Variants in MTFR1L observed in about 807,000 individuals in gnomAD.
The protein encoded by MTFR1L is mitochondrial fission regulator 1-like.
In MTFR1L, 10 loss-of-function variants were observed where a neutral mutation model predicts 27.9. The observed-to-expected ratio is 0.36, with a 90% CI of 0.22 to 0.61. The LOEUF is 0.61. Ranked by LOEUF, MTFR1L falls within the 20% of genes least tolerant of loss-of-function variation. The probability of loss-of-function intolerance (pLI) is 0.73; values close to 1 mark genes in which losing one functional copy is unlikely to be tolerated. For synonymous variants in MTFR1L, 151 were observed against 139.4 expected, an observed-to-expected ratio of 1.08 and a Z score of -0.58; for missense variants, 315 against 363.7, an observed-to-expected ratio of 0.87 and a Z score of 1.09.
intron 3 of MTFR1L, chr1:25,825,833 A>G (rs903712468): frequency 6.2e-6 from 1 of 161,532 alleles, no homozygotes; most frequent in African/African-American, 2.4e-5. Flanking sequence ...ATAGACTCTC[A>G]TGTGTCTTGC....
At chr1:25,824,711 G>C (rs1441859765) in intron 3 of MTFR1L, among the ~76,000 whole-genome samples, 2 of 151,976 alleles carry the variant, frequency 1.3e-5, no homozygotes, top group Admixed American at 1.3e-4. Flanking sequence ...CAGATTGCCA[G>C]CTATCCAGAA....
chr1:25,823,825 C>G, intron 3 of MTFR1L, 77 bp downstream of exon 3: 1 of 1,515,888 alleles, frequency 6.6e-7, no homozygotes, highest in Non-Finnish European at 8.9e-7. Context: ...TGGTACTGCC[C>G]AAGTAGGTTG....
intron 2 of MTFR1L, 28 bp from the exon 3 acceptor site, chr1:25,823,616 T>G (rs1223749275): frequency 6.2e-7 from 1 of 1,610,616 alleles, no homozygotes; most frequent in South Asian, 1.1e-5. Flanking sequence ...TCTCTGGGGT[T>G]GTAGCTGTCT....
At chr1:25,820,187 G>T (rs748602342) in intron 1 of MTFR1L, 158 bp downstream of exon 1, 7 of 453,868 alleles carry the variant, frequency 1.5e-5, no homozygotes, top group African/African-American at 4.0e-5. Flanking sequence ...TGGCCCGGGG[G>T]AAACTGAGTC....
chr1:25,828,385 C>T (rs193020660), intron 5 of MTFR1L, among the ~76,000 whole-genome samples: 176 of 152,254 alleles, frequency 1.2e-3, no homozygotes, highest in Middle Eastern at 3.4e-3. Context: ...GAGTTCGAGA[C>T]CAGCCTGGCC....
At chr1:25,831,319 T>C (rs937215519) in intron 6 of MTFR1L, among the ~76,000 whole-genome samples, 1 of 152,188 alleles carries the variant, frequency 6.6e-6, no homozygotes, top group Non-Finnish European at 1.5e-5. Context: ...GACCCTCTTA[T>C]ATGATGTATC....
chr1:25,820,481 G>C, intron 1 of MTFR1L: 1 of 370,952 alleles, frequency 2.7e-6, no homozygotes, highest in South Asian at 2.0e-5. Context: ...GAGGGTCCGC[G>C]CGGGTCTCCG....
At chr1:25,823,873 T>C (rs2048133092) in intron 3 of MTFR1L, 125 bp downstream of exon 3, 1 of 1,219,450 alleles carries the variant, frequency 8.2e-7, no homozygotes, top group Non-Finnish European at 1.1e-6. Context: ...GAAATATTTG[T>C]TAAATGCTTA....
At chr1:25,822,472 AC>A (rs965546432) in intron 1 of MTFR1L, 1 of 141,594 alleles carries the variant, frequency 7.1e-6, no homozygotes, top group African/African-American at 3.2e-5. Flanking sequence ...GCCTCAAGAA[AC>A]CTGAGAGCCC....
chr1:25,831,895 T>TACTC, intron 6 of MTFR1L, 26 bp from the exon 7 acceptor site: 1 of 1,567,676 alleles, frequency 6.4e-7, no homozygotes, highest in Non-Finnish European at 8.8e-7. Context: ...AAAGAGTAAG[T>TACTC]ACTCAAGCTA....
chr1:25,829,372 A>T (rs1401241113), intron 5 of MTFR1L, 137 bp from the exon 6 acceptor site: 2 of 779,470 alleles, frequency 2.6e-6, no homozygotes, highest in Non-Finnish European at 4.2e-6. Context: ...CTGGCTACAG[A>T]TACCATCCTG....
chr1:25,821,929 C>T (rs559319951), intron 1 of MTFR1L: 1 of 152,282 alleles, frequency 6.6e-6, no homozygotes, highest in South Asian at 2.1e-4. Flanking sequence ...TCCATAGCCC[C>T]TACGGTGCCC....
At chr1:25,823,576 G>C (rs1557441574) in intron 2 of MTFR1L, 68 bp from the exon 3 acceptor site, 3 of 1,576,918 alleles carry the variant, frequency 1.9e-6, no homozygotes, top group South Asian at 1.2e-5. Context: ...AACCTAGAGA[G>C]GAGAGGACAA....
In MTFR1L at chr1:25,832,798, C is replaced by G. The variant is rs1443116439; in HGVS notation, c.*772C>G. ...TCTTTCTTCCAGGCCCTTGACTGCT[C>G]CTTTGGGCTGGGCCAAGGTTTGTAT... On this transcript the variant is annotated 3_prime_UTR_variant, in exon 7 of 7. Transcript: ENST00000374303. The G allele has an allele frequency of 6.4e-6, 1 of 156,688 alleles. No individual in the cohort carries two copies. The highest frequency in any genetic ancestry group is 2.4e-5 in the African/African-American group (1 of 41,406). 9.7% of individuals were successfully genotyped at this position (156,688 alleles called of 1,614,324 possible).
Position 25,826,379 on chromosome 1 carries a change from T to G in MTFR1L, c.207T>G (p.Ala69=). ...VPTLADIAWI[A]ADEEETYARV... ...CCCTGGCTGACATCGCCTGGATTGC[T>G]GCGGATGAAGAGGAGACATATGCCC... The change falls in exon 4 of 7, where the codon GCT becomes GCG. Residue 69 remains alanine (A), a synonymous_variant. Transcript: ENST00000374303. This position sits in a 1 kb window ranked among gnomAD's most constrained non-coding sequence, Gnocchi z 4.1. 6.2e-7 allele frequency: 1 copy of G among 1,614,204 alleles called. No homozygotes were observed. Among genetic ancestry groups the G allele is most frequent in the South Asian group, 1.1e-5 (1 of 91,080 alleles).
Position 25,826,625 on chromosome 1 carries a change from C to T in MTFR1L, c.250C>T (p.Arg84Cys), listed in dbSNP as rs765430944. The change falls in exon 5 of 7, where the codon CGC becomes TGC. Residue 84 changes from arginine to cysteine, a missense_variant. Physicochemically the swap from Arg to Cys is radical, Grantham distance 180. Coordinates refer to ENST00000374303, the MANE Select transcript of MTFR1L (RefSeq NM_001099625.2). The surrounding 1 kb of genome is among the most constrained non-coding windows in gnomAD (Gnocchi z 4.1). ...ETYARVRSDT[R>C]PLRHTWKPSP... ...TTTTCCCTGGTCCAGGAGTGATACG[C>T]GCCCCCTGAGGCACACCTGGAAACC... is the stretch of plus-strand genomic sequence containing the variant. The T allele has an allele frequency of 3.7e-6, 6 of 1,614,026 alleles. No individual in the cohort carries two copies. The highest frequency in any genetic ancestry group is 2.2e-5 in the East Asian group (1 of 44,888).
At chr1:25,821,011 C>T (rs2048084130) in intron 1 of MTFR1L, 1 of 278,428 alleles carries the variant, frequency 3.6e-6, no homozygotes, top group Non-Finnish European at 6.9e-6. Flanking sequence ...GAGGTGGGCC[C>T]AGTGTTGGGG....
intron 5 of MTFR1L, among the ~76,000 whole-genome samples, chr1:25,828,263 A>G (rs1170452323): frequency 1.3e-5 from 2 of 152,174 alleles, no homozygotes; most frequent in Admixed American, 1.3e-4. Context: ...TGGAAGGAGA[A>G]TTTCATAAAG....
chr1:25,825,827 ACT>A (rs1190611911), intron 3 of MTFR1L: 2 of 158,822 alleles, frequency 1.3e-5, no homozygotes, highest in East Asian at 1.9e-4. Flanking sequence ...AATCCCATAG[ACT>A]CTCATGTGTC....
Sources: allele counts gnomAD v4.1 joint callset (sites outside exome capture counted in the v4.1 genomes callset), GRCh38; gene constraint gnomAD v4.1.1; non-coding constraint Gnocchi (gnomAD v3.1); transcripts MANE v1.5; gene names NCBI Gene and HGNC (gene_info 2026-07-23, HGNC 2026-07-21).